The following BIRC7 variants were observed in gnomAD, a reference collection of about 807,000 sequenced individuals.
BIRC7 encodes the protein baculoviral IAP repeat-containing protein 7.
A neutral mutation model predicts 33.2 loss-of-function variants in BIRC7; 26 were observed. The ratio of observed to expected loss-of-function variants is 0.78; its 90% CI spans 0.57 to 1.09. BIRC7 has a LOEUF of 1.09. Ranked by LOEUF, BIRC7 falls within the 50% of genes least tolerant of loss-of-function variation. BIRC7 has a pLI of 0.00. For synonymous variants in BIRC7, 176 were observed against 171.0 expected, an observed-to-expected ratio of 1.03 and a Z score of -0.23; for missense variants, 409 against 401.2, an observed-to-expected ratio of 1.02 and a Z score of -0.17.
chr20:63,236,479 G>A (rs778907377), intron 1 of BIRC7, 34 bp downstream of exon 1: 1 of 1,503,742 alleles, frequency 6.7e-7, no homozygotes, highest in Admixed American at 2.2e-5. Flanking sequence ...TCCTGCCGTG[G>A]GCCTGGGCAC....
intron 4 of BIRC7, 21 bp from the exon 5 acceptor site, chr20:63,239,141 G>A (rs1435605583): frequency 6.2e-7 from 1 of 1,608,704 alleles, no homozygotes; most frequent in Non-Finnish European, 8.5e-7. Flanking sequence ...TAGGCCTCAA[G>A]TCTATCCTAA....
chr20:63,236,591 C>G (rs2066690667), intron 1 of BIRC7, 146 bp downstream of exon 1: 1 of 1,291,992 alleles, frequency 7.7e-7, no homozygotes, highest in African/African-American at 1.5e-5. Context: ...CTGCAAGCCC[C>G]TCCAGTGCCC....
Position 63,236,143 on chromosome 20 carries a change from C to A in BIRC7, c.47C>A (p.Pro16Gln). ...AAGTGCCTGCACCGTGGACCACAGC[C>A]GAGCCACTGGGCAGCCGGTGATGGT... ...SAKCLHRGPQ[P>Q]SHWAAGDGPT... The change falls in exon 1 of 7, where the codon CCG (proline) becomes CAG (glutamine). Residue 16 changes from proline to glutamine, a missense_variant. Physicochemically the swap from Pro to Gln is moderately conservative, Grantham distance 76. Transcript: ENST00000217169. The A allele has an allele frequency of 6.3e-7, 1 of 1,583,198 alleles. No homozygotes were observed. The highest frequency in any genetic ancestry group is 2.3e-5 in the East Asian group (1 of 42,858).
chr20:63,238,307 G>C (rs755558237), intron 2 of BIRC7, 89 bp from the exon 3 acceptor site: 1 of 1,504,096 alleles, frequency 6.6e-7, no homozygotes, highest in Non-Finnish European at 9.2e-7. Context: ...CGGGAGGAGG[G>C]GGCCCAACCC....
chr20:63,239,568 C>T lies in BIRC7; in HGVS notation c.860C>T (p.Ala287Val), dbSNP rs745662101. 5 of 1,601,198 alleles carry T rather than the reference C, an allele frequency of 3.1e-6. No homozygotes were observed. The highest frequency in any genetic ancestry group is 2.2e-5 in the East Asian group (1 of 44,852). ...PGLQLCPICR[A>V]PVRSRVRTFL... ...CTGCAGCTGTGCCCCATCTGCAGAGCCCCCGTCCGCAGCCGCGTGCGCACC... is the reference window on the plus strand; with the variant it reads ...CTGCAGCTGTGCCCCATCTGCAGAGTCCCCGTCCGCAGCCGCGTGCGCACC... Residue 287 changes from alanine to valine, a missense_variant, in exon 6 of 7, where the codon GCC becomes GTC. Physicochemically the swap from Ala to Val is moderately conservative, Grantham distance 64 (BLOSUM62 0). Transcript: ENST00000217169.
chr20:63,238,100 T>C, intron 2 of BIRC7, 98 bp downstream of exon 2: 1 of 1,191,190 alleles, frequency 8.4e-7, no homozygotes, highest in Non-Finnish European at 1.2e-6. Flanking sequence ...TTTGCCTCCC[T>C]GGCCCCACAG....
At chr20:63,239,300 T>G in intron 5 of BIRC7, 58 bp from the exon 6 acceptor site, 1 of 1,606,006 alleles carries the variant, frequency 6.2e-7, no homozygotes. Context: ...CGACCTTCCA[T>G]GGCCCATAGA....
intron 1 of BIRC7, among the ~76,000 whole-genome samples, 164 bp downstream of exon 1, chr20:63,236,609 C>T (rs1464923730): frequency 6.6e-6 from 1 of 152,196 alleles, no homozygotes; most frequent in African/African-American, 2.4e-5. Context: ...CCCATGGGCT[C>T]GTGCCTGACA....
At position 63,235,961 on chromosome 20, in the gene BIRC7, G is replaced by A; in HGVS notation, c.-136G>A. 1 of 1,137,450 alleles carries A rather than the reference G, an allele frequency of 8.8e-7. No individual in the cohort carries two copies. Among genetic ancestry groups the A allele is most frequent in the Non-Finnish European group, 1.2e-6 (1 of 826,746 alleles). The allele number at this position is 1,137,450 out of a possible 1,614,324, so 70.5% of individuals were successfully genotyped here. On this transcript the variant is annotated 5_prime_UTR_variant, in exon 1 of 7. Coordinates refer to ENST00000217169, the MANE Select transcript of BIRC7 (RefSeq NM_139317.3). Reference sequence around the variant, plus strand: ...CCCCTCCCAGGGTGTCTGGTGGCAGGCCTGTGCCTATCCCTGCTGTCCCCA... The same window carrying A: ...CCCCTCCCAGGGTGTCTGGTGGCAGACCTGTGCCTATCCCTGCTGTCCCCA...
In BIRC7 at chr20:63,236,190, C is replaced by T. The variant is rs768709953; in HGVS notation, c.94C>T (p.Pro32Ser). The T allele has an allele frequency of 3.8e-6, 6 of 1,589,748 alleles. No individual in the cohort carries two copies. The highest frequency in any genetic ancestry group is 1.1e-5 in the South Asian group (1 of 88,258). ...GDGPTQERCG[P>S]RSLGSPVLGL... The stretch of plus-strand genomic sequence containing the variant: ...TGGTCCCACGCAGGAGCGCTGTGGA[C>T]CCCGCTCTCTGGGCAGCCCTGTCCT... Residue 32 changes from proline (P) to serine (S), a missense_variant, in exon 1 of 7, where the codon CCC (proline) becomes TCC (serine). Transcript: ENST00000217169.
Position 63,238,402 on chromosome 20 carries a change from G to T in BIRC7, c.456G>T (p.Gln152His). The T allele has an allele frequency of 6.2e-7, 1 of 1,611,718 alleles. No individual in the cohort carries two copies. Among genetic ancestry groups the T allele is most frequent in the Non-Finnish European group, 8.5e-7 (1 of 1,179,966 alleles). Reference sequence around the variant, plus strand: ...ATCTCTGGGGCATCTGCAGCTGTCAGTTCCTGCTCCGGTCAAAAGGAAGAG... The same window carrying T: ...ATCTCTGGGGCATCTGCAGCTGTCATTTCCTGCTCCGGTCAAAAGGAAGAG... ...TEHAKWFPSC[Q>H]FLLRSKGRDF... Residue 152 changes from glutamine to histidine, a missense_variant, in exon 3 of 7, where the codon CAG (glutamine) becomes CAT (histidine). Gln to His is a conservative substitution (Grantham distance 24, BLOSUM62 0). Coordinates refer to ENST00000217169, the MANE Select transcript of BIRC7 (RefSeq NM_139317.3).
Position 63,239,167 on chromosome 20 carries a change from G to A in BIRC7, c.583G>A (p.Ala195Thr). 1 of 1,612,668 alleles carries A rather than the reference G, an allele frequency of 6.2e-7. No homozygotes were observed. The highest frequency in any genetic ancestry group is 8.5e-7 in the Non-Finnish European group (1 of 1,179,928). ...TCTATCCTAACTGTCCACAGTCCCT[G>A]CCTCTGGGTACCCTGAGCTGCCCAC... ...DAAPVAPSVPASGYPELPTPR... is the reference protein window; with the variant it reads ...DAAPVAPSVPTSGYPELPTPR... The change falls in exon 5 of 7, where the codon GCC becomes ACC. Residue 195 changes from alanine to threonine, a missense_variant. Coordinates refer to ENST00000217169, the MANE Select transcript of BIRC7 (RefSeq NM_139317.3).
In BIRC7 at chr20:63,237,855, G is replaced by A. The variant is rs201194263; in HGVS notation, c.350-48G>A. On this transcript the variant is annotated intron_variant, in intron 1 of 6. Transcript: ENST00000217169. ...CCTTGGAAGGACACACCGGGGGCCC[G>A]GGGACTGGGTGGGACTTGGCTGGGG... The A allele has an allele frequency of 2.5e-5, 38 of 1,506,082 alleles. No homozygotes were observed. In the Middle Eastern group the frequency reaches 8.7e-4, roughly 34 times the overall value. The allele number at this position is 1,506,082 out of a possible 1,614,324, so 93.3% of individuals were successfully genotyped here.
rs1232339226 is a variant in BIRC7 at position 63,236,446 on chromosome 20, G to A, written c.349+1G>A. The A allele has an allele frequency of 2.6e-6, 4 of 1,526,586 alleles. No individual in the cohort carries two copies. Among genetic ancestry groups the A allele is most frequent in the African/African-American group, 2.8e-5 (2 of 72,706 alleles). The allele number at this position is 1,526,586 out of a possible 1,614,324, so 94.6% of individuals were successfully genotyped here. On this transcript the variant is annotated splice_donor_variant, in intron 1 of 6. Transcript: ENST00000217169. LOFTEE classifies it high-confidence loss of function. ...GCTGCTGCCGGCTTCTTCCACACAG[G>A]TCAGTCCCGGGCGGGGGGGCCTTCC... is the stretch of plus-strand genomic sequence containing the variant.
Position 63,238,590 on chromosome 20 carries a change from G to T in BIRC7, c.553G>T (p.Asp185Tyr). The stretch of plus-strand genomic sequence containing the variant: ...CCAGGACCCGTGGGAAGAACCGGAA[G>T]ACGCAGCCCCTGTGGCCCCCTCCGG... ...GSWDPWEEPE[D>Y]AAPVAPSVPA... Residue 185 changes from aspartate (D) to tyrosine (Y), a missense_variant, in exon 4 of 7, where the codon GAC becomes TAC. Transcript: ENST00000217169. The T allele has an allele frequency of 6.2e-7, 1 of 1,613,062 alleles. No homozygotes were observed. Among genetic ancestry groups the T allele is most frequent in the East Asian group, 2.2e-5 (1 of 44,880 alleles).
chr20:63,238,321 C>T, intron 2 of BIRC7, 75 bp from the exon 3 acceptor site: 1 of 1,561,472 alleles, frequency 6.4e-7, no homozygotes, highest in Non-Finnish European at 8.8e-7. Context: ...CCAACCCTGA[C>T]CCCCGGGGAT....
Position 63,236,002 on chromosome 20 carries a change from G to C in BIRC7, c.-95G>C, listed in dbSNP as rs534283657. 2.5e-5 allele frequency: 36 copies of C among 1,431,618 alleles called. No homozygotes were observed. In the South Asian group the frequency reaches 4.8e-4, roughly 19 times the overall value. 88.7% of individuals were successfully genotyped at this position (1,431,618 alleles called of 1,614,324 possible). A position where few individuals can be genotyped will look rare whatever the true frequency, so the allele number is the denominator to read the frequency against. ...GCTGTCCCCAGGGTGGGCCCCGGGGGTCAGGAGCTCCAGAAGGGCCAGCTG... is the reference window on the plus strand; with the variant it reads ...GCTGTCCCCAGGGTGGGCCCCGGGGCTCAGGAGCTCCAGAAGGGCCAGCTG... On this transcript the variant is annotated 5_prime_UTR_variant, in exon 1 of 7. Transcript: ENST00000217169.
rs756728148 is a variant in BIRC7, at chr20:63,238,488, C to T, written c.531+11C>T. The T allele has an allele frequency of 1.9e-6, 3 of 1,612,994 alleles. No individual in the cohort carries two copies. Among genetic ancestry groups the T allele is most frequent in the Non-Finnish European group, 2.5e-6 (3 of 1,179,912 alleles). On this transcript the variant is annotated intron_variant, in intron 3 of 6. Transcript: ENST00000217169. ...CTGCTGGGCTCCTGGGTGAGCGCCA[C>T]CTCTCCTCGGGGCTCCGGGTGGCAG...
At position 63,238,624 on chromosome 20, in the gene BIRC7, GAC is replaced by G. The variant is rs1482369494; in HGVS notation, c.577+13_577+14del. The G allele has an allele frequency of 6.2e-7, 1 of 1,612,392 alleles. No homozygotes were observed. The highest frequency in any genetic ancestry group is 8.5e-7 in the Non-Finnish European group (1 of 1,179,946). On this transcript the variant is annotated intron_variant, in intron 4 of 6. Transcript: ENST00000217169. ...CCTGTGGCCCCCTCCGGTGAGAGCTGACACCACCCCTGCTGACTCCTTGTGCG... is the reference window on the plus strand; with the variant it reads ...CCTGTGGCCCCCTCCGGTGAGAGCTGACCACCCCTGCTGACTCCTTGTGCG...
Sources: gnomAD v4.1 joint callset for allele counts (sites outside exome capture counted in the v4.1 genomes callset) on GRCh38, gnomAD v4.1.1 for gene constraint, MANE v1.5 for transcripts, NCBI Gene and HGNC (gene_info 2026-07-23, HGNC 2026-07-21) for gene names.